IL15: variants seen among roughly 807,000 people sequenced by gnomAD.
IL15 encodes interleukin 15.
Under a neutral mutation model 19.6 loss-of-function variants are expected in IL15, and 11 were observed. That is an observed-to-expected ratio of 0.56 (90% confidence interval 0.35 to 0.93). The LOEUF is 0.93. IL15 is among the 40% of genes least tolerant of loss of function. The pLI is 0.01. For synonymous variants in IL15, 58 were observed against 59.6 expected, an observed-to-expected ratio of 0.97 and a Z score of 0.12; for missense variants, 197 against 186.5, an observed-to-expected ratio of 1.06 and a Z score of -0.33.
intron 2 of IL15, among the ~76,000 whole-genome samples, chr4:141,705,497 AACAT>A (rs1560929314): frequency 1.3e-5 from 2 of 152,048 alleles, no homozygotes; most frequent in Non-Finnish European, 2.9e-5. Flanking sequence ...TTTGTGGCCT[AACAT>A]GTGATCTATC....
chr4:141,670,326 A>G (rs762028810), intron 2 of IL15, among the ~76,000 whole-genome samples: 17 of 152,138 alleles, frequency 1.1e-4, no homozygotes, highest in Non-Finnish European at 1.5e-5. Context: ...GCATCAAGGA[A>G]TTAGAATATT....
At chr4:141,642,079 A>G (rs984271609) in intron 1 of IL15, among the ~76,000 whole-genome samples, 1 of 152,172 alleles carries the variant, frequency 6.6e-6, no homozygotes, top group African/African-American at 2.4e-5. Context: ...GGAAATATAT[A>G]TCATACAACT....
At chr4:141,697,396 T>G (rs1729134321) in intron 2 of IL15, among the ~76,000 whole-genome samples, 2 of 152,190 alleles carry the variant, frequency 1.3e-5, no homozygotes, top group South Asian at 4.1e-4. Flanking sequence ...AGTACTATGC[T>G]GTTTTGGTAA....
chr4:141,690,773 T>C (rs1029277676), intron 2 of IL15, among the ~76,000 whole-genome samples: 1 of 152,080 alleles, frequency 6.6e-6, no homozygotes, highest in Non-Finnish European at 1.5e-5. Flanking sequence ...CATGACATAC[T>C]CCTATTTTTT....
chr4:141,713,105 A>T (rs1165206959), intron 2 of IL15, among the ~76,000 whole-genome samples: 1 of 152,174 alleles, frequency 6.6e-6, no homozygotes, highest in Non-Finnish European at 1.5e-5. Flanking sequence ...TAGCCTTGAT[A>T]TTGAATACAG....
At chr4:141,651,429 A>C (rs1727402905) in intron 1 of IL15, among the ~76,000 whole-genome samples, 1 of 152,098 alleles carries the variant, frequency 6.6e-6, no homozygotes, top group African/African-American at 2.4e-5. Flanking sequence ...AGAATCCAAA[A>C]GGTTTGGAGG....
intron 5 of IL15, 100 bp from the exon 6 acceptor site, chr4:141,727,837 TAAA>T: frequency 3.1e-6 from 2 of 652,554 alleles, no homozygotes; most frequent in Non-Finnish European, 5.4e-6. Flanking sequence ...TATCTCAAAA[TAAA>T]AAAAGAATTA....
intron 7 of IL15, among the ~76,000 whole-genome samples, chr4:141,731,796 G>C (rs894055436): frequency 6.6e-6 from 1 of 152,188 alleles, no homozygotes; most frequent in Non-Finnish European, 1.5e-5. Flanking sequence ...ATTCCAAATA[G>C]TTAATGGATA....
intron 1 of IL15, among the ~76,000 whole-genome samples, chr4:141,651,118 A>T (rs1324594971): frequency 6.6e-6 from 1 of 151,996 alleles, no homozygotes; most frequent in African/African-American, 2.4e-5. Flanking sequence ...TACACAACAC[A>T]TCCAAAGAGA....
intron 2 of IL15, among the ~76,000 whole-genome samples, chr4:141,661,794 T>C (rs1289748689): frequency 6.6e-6 from 1 of 152,148 alleles, no homozygotes. Flanking sequence ...CATTTCTGTT[T>C]TTTGTTATTG....
chr4:141,678,373 C>T (rs1019447504), intron 2 of IL15, among the ~76,000 whole-genome samples: 3 of 151,906 alleles, frequency 2.0e-5, no homozygotes, highest in African/African-American at 7.3e-5. Flanking sequence ...TTTGGAAATT[C>T]GTAGTCATAT....
chr4:141,643,979 T>C (rs1036663055), intron 1 of IL15, among the ~76,000 whole-genome samples: 5 of 151,842 alleles, frequency 3.3e-5, no homozygotes, highest in African/African-American at 1.2e-4. Flanking sequence ...TTCATTCTCT[T>C]AGTTCCATAG....
intron 2 of IL15, among the ~76,000 whole-genome samples, chr4:141,683,106 T>TA: frequency 1.3e-5 from 2 of 150,104 alleles, no homozygotes; most frequent in East Asian, 2.0e-4. Flanking sequence ...CCGTTTCTAC[T>TA]AAAAATACAA....
At chr4:141,662,673 G>A (rs192517859) in intron 2 of IL15, among the ~76,000 whole-genome samples, 1 of 151,920 alleles carries the variant, frequency 6.6e-6, no homozygotes, top group Admixed American at 6.6e-5. Flanking sequence ...TTTATTTAAT[G>A]TAATTACCGA....
chr4:141,677,878 G>C lies in IL15; in HGVS notation c.-100+21571G>C, dbSNP rs180754122. Among the ~76,000 whole-genome samples the C allele has an allele frequency of 1.8e-3, 278 of 152,298 alleles. 4 individuals are homozygous for C. Among genetic ancestry groups the C allele is most frequent in the Non-Finnish European group, 2.5e-4 (17 of 68,028 alleles). On this transcript the variant is annotated intron_variant, in intron 2 of 7. Coordinates refer to ENST00000320650, the MANE Select transcript of IL15 (RefSeq NM_000585.5). ...TGATACGTTGTCACATGCACAGTTA[G>C]TGTGAGATATTCTGTGGGAGAAGGG...
intron 2 of IL15, among the ~76,000 whole-genome samples, chr4:141,671,367 A>G (rs908167884): frequency 6.6e-6 from 1 of 152,186 alleles, no homozygotes; most frequent in Non-Finnish European, 1.5e-5. Flanking sequence ...TGACTGAGGG[A>G]TTTCTGGATA....
intron 2 of IL15, among the ~76,000 whole-genome samples, chr4:141,683,388 C>A (rs1032635704): frequency 6.6e-6 from 1 of 151,730 alleles, no homozygotes; most frequent in Non-Finnish European, 1.5e-5. Flanking sequence ...CTGCGCAACA[C>A]GGTGAAACCC....
chr4:141,638,371 T>C (rs1378767251), intron 1 of IL15, among the ~76,000 whole-genome samples: 3 of 152,192 alleles, frequency 2.0e-5, no homozygotes, highest in African/African-American at 7.2e-5. Flanking sequence ...CAGAAAAGTC[T>C]CTCCTGCAGT....
At chr4:141,726,512 A>G (rs1730270471) in intron 5 of IL15, among the ~76,000 whole-genome samples, 1 of 152,228 alleles carries the variant, frequency 6.6e-6, no homozygotes, top group African/African-American at 2.4e-5. Flanking sequence ...GTAAAATGAT[A>G]CAGGCACTGT....
Sources: gnomAD v4.1 joint callset for allele counts (sites outside exome capture counted in the v4.1 genomes callset) on GRCh38, gnomAD v4.1.1 for gene constraint, MANE v1.5 for transcripts, NCBI Gene and HGNC (gene_info 2026-07-23, HGNC 2026-07-21) for gene names.